Variants in PAN3 observed in about 807,000 individuals in gnomAD.
The protein encoded by PAN3 is poly(A) specific ribonuclease subunit PAN3.
PAN3 carries 19 observed loss-of-function variants against 96.2 expected under a neutral mutation model. The ratio of observed to expected loss-of-function variants is 0.20; its 90% CI spans 0.14 to 0.29. PAN3 has a LOEUF of 0.29. Among genes scored for constraint, PAN3 ranks in the 10% least tolerant of loss-of-function variants. The probability of loss-of-function intolerance (pLI) is 1.00; values close to 1 mark genes in which losing one functional copy is unlikely to be tolerated. For missense variants in PAN3, 882 were observed against 1,108.1 expected, an observed-to-expected ratio of 0.80 and a Z score of 2.90; for synonymous variants, 433 against 406.6, an observed-to-expected ratio of 1.06 and a Z score of -0.78.
In PAN3 at chr13:28,293,727, G is replaced by A. The variant is rs1291226793; in HGVS notation, c.*1205G>A. The A allele has an allele frequency of 6.6e-6, 1 of 152,610 alleles. No homozygotes were observed. Among genetic ancestry groups the A allele is most frequent in the African/African-American group, 2.4e-5 (1 of 41,446 alleles). 9.5% of individuals were successfully genotyped at this position (152,610 alleles called of 1,614,324 possible). A position where few individuals can be genotyped will look rare whatever the true frequency, so the allele number is the denominator to read the frequency against. ...CTTAACTTTCTTAATATTTGGACAT[G>A]CAGTTGTCGCCAAACTTGGGTATTC... On this transcript the variant is annotated 3_prime_UTR_variant, in exon 19 of 19. Transcript: ENST00000380958.
At chr13:28,183,655 G>A (rs542392466) in intron 4 of PAN3, among the ~76,000 whole-genome samples, 3 of 152,332 alleles carry the variant, frequency 2.0e-5, no homozygotes, top group African/African-American at 7.2e-5. Flanking sequence ...ACAAACAGCA[G>A]GAATGATAAT....
chr13:28,138,719 T>TGGCGGC lies in PAN3; in HGVS notation c.68_73dup (p.Ala23_Ala24dup), dbSNP rs1245630472. 1.7e-6 allele frequency: 2 copies of TGGCGGC among 1,192,486 alleles called. No individual in the cohort carries two copies. Among genetic ancestry groups the TGGCGGC allele is most frequent in the East Asian group, 3.4e-5 (1 of 29,254 alleles). 73.9% of individuals were successfully genotyped at this position (1,192,486 alleles called of 1,614,324 possible). ...GCCGCCTCCCCTTCCTCCTCCTCGCTGGCGGCGGCGGTGGCGGTGGTGGCC... is the reference window on the plus strand; with the variant it reads ...GCCGCCTCCCCTTCCTCCTCCTCGCTGGCGGCGGCGGCGGCGGTGGCGGTGGTGGCC... On this transcript the variant is annotated inframe_insertion, in exon 1 of 19. Coordinates refer to ENST00000380958, the MANE Select transcript of PAN3 (RefSeq NM_175854.8).
At chr13:28,139,514 T>TTGTGTG (rs10577740) in intron 1 of PAN3, among the ~76,000 whole-genome samples, 5,274 of 93,048 alleles carry the variant, frequency 0.057, 252 homozygotes, top group African/African-American at 0.098. Flanking sequence ...AGGGGTGTGT[T>TTGTGTG]TGTGTGTGTG....
chr13:28,153,842 A>T (rs1871724630), intron 1 of PAN3, among the ~76,000 whole-genome samples: 2 of 152,150 alleles, frequency 1.3e-5, no homozygotes, highest in Admixed American at 1.3e-4. Context: ...GAGCTCATCC[A>T]TGGGTTTGGA....
intron 6 of PAN3, among the ~76,000 whole-genome samples, chr13:28,246,757 G>A (rs556563067): frequency 1.3e-4 from 20 of 152,170 alleles, no homozygotes; most frequent in African/African-American, 4.8e-4. Flanking sequence ...ATGACAGGAT[G>A]TCATTTTTTT....
intron 7 of PAN3, among the ~76,000 whole-genome samples, chr13:28,258,756 C>G (rs1885427382): frequency 6.6e-6 from 1 of 152,112 alleles, no homozygotes; most frequent in Admixed American, 6.6e-5. Flanking sequence ...GGGATTGATT[C>G]CCGGACGCCC....
chr13:28,230,462 T>C (rs1219007906), intron 6 of PAN3, among the ~76,000 whole-genome samples: 3 of 151,828 alleles, frequency 2.0e-5, no homozygotes, highest in Non-Finnish European at 4.4e-5. Context: ...TAATCAGATA[T>C]CTTTTATTTA....
chr13:28,195,160 A>G (rs746685584), intron 4 of PAN3, among the ~76,000 whole-genome samples: 3 of 152,168 alleles, frequency 2.0e-5, no homozygotes, highest in African/African-American at 7.2e-5. Flanking sequence ...CTGTAATCCC[A>G]GCACTTTGGG....
At chr13:28,248,659 G>A (rs1227162485) in intron 6 of PAN3, among the ~76,000 whole-genome samples, 1 of 152,074 alleles carries the variant, frequency 6.6e-6, no homozygotes, top group Non-Finnish European at 1.5e-5. Flanking sequence ...TGAGTAGCTG[G>A]GACTACAGGC....
intron 2 of PAN3, among the ~76,000 whole-genome samples, chr13:28,174,777 T>C (rs1370846630): frequency 6.6e-6 from 1 of 152,192 alleles, no homozygotes; most frequent in Non-Finnish European, 1.5e-5. Context: ...CTCATCACTT[T>C]TCCAGTTAAC....
intron 6 of PAN3, among the ~76,000 whole-genome samples, chr13:28,221,155 T>C (rs1362488111): frequency 6.6e-6 from 1 of 152,160 alleles, no homozygotes; most frequent in Non-Finnish European, 1.5e-5. Context: ...TATTTAAATT[T>C]TTAAAATTAA....
chr13:28,283,717 T>A (rs1286839841), intron 17 of PAN3, among the ~76,000 whole-genome samples: 6 of 152,210 alleles, frequency 3.9e-5, no homozygotes, highest in Non-Finnish European at 7.3e-5. Flanking sequence ...AACAACCCTA[T>A]GATGGAGTTA....
intron 1 of PAN3, among the ~76,000 whole-genome samples, chr13:28,155,573 A>T (rs2137996131): frequency 6.6e-6 from 1 of 152,330 alleles, no homozygotes; most frequent in South Asian, 2.1e-4. Flanking sequence ...TGGGCAACAG[A>T]GTGAGACTCC....
chr13:28,290,981 T>G (rs1869679116), intron 18 of PAN3, among the ~76,000 whole-genome samples: 1 of 152,152 alleles, frequency 6.6e-6, no homozygotes, highest in Non-Finnish European at 1.5e-5. Flanking sequence ...GATCATTTAA[T>G]GAATATTAGG....
chr13:28,243,618 T>A (rs1332515377), intron 6 of PAN3, among the ~76,000 whole-genome samples: 4 of 152,148 alleles, frequency 2.6e-5, no homozygotes, highest in East Asian at 1.9e-4. Flanking sequence ...CTTTTTTTTT[T>A]AATCTATGCC....
At chr13:28,249,487 T>C (rs1332751940) in intron 6 of PAN3, among the ~76,000 whole-genome samples, 10 of 152,046 alleles carry the variant, frequency 6.6e-5, no homozygotes, top group Non-Finnish European at 1.2e-4. Flanking sequence ...CTCACTCTGT[T>C]GCCCAGGCTG....
chr13:28,176,461 G>T (rs761566621), intron 2 of PAN3, 32 bp from the exon 3 acceptor site: 1 of 1,579,258 alleles, frequency 6.3e-7, no homozygotes, highest in South Asian at 1.1e-5. Flanking sequence ...GTATTCCTCA[G>T]TGATGTTATA....
At chr13:28,173,547 C>G (rs993640510) in intron 1 of PAN3, among the ~76,000 whole-genome samples, 6 of 152,166 alleles carry the variant, frequency 3.9e-5, no homozygotes, top group Non-Finnish European at 1.5e-5. Flanking sequence ...AACATCCCTT[C>G]TATCCACATT....
At chr13:28,200,211 A>T (rs1043826729) in intron 5 of PAN3, among the ~76,000 whole-genome samples, 10 of 152,206 alleles carry the variant, frequency 6.6e-5, no homozygotes, top group African/African-American at 2.4e-4. Context: ...ACAGCTTTTG[A>T]GGATGAGGAT....
Sources: allele counts gnomAD v4.1 joint callset (sites outside exome capture counted in the v4.1 genomes callset), GRCh38; gene constraint gnomAD v4.1.1; transcripts MANE v1.5; gene names NCBI Gene and HGNC (gene_info 2026-07-23, HGNC 2026-07-21).